Variants in ADGRL3 observed in about 807,000 individuals in gnomAD.
ADGRL3 encodes the protein calcium-independent alpha-latrotoxin receptor 3.
ADGRL3 carries 62 observed loss-of-function variants against 153.5 expected under a neutral mutation model. That is an observed-to-expected ratio of 0.40 (90% CI 0.33 to 0.50). The LOEUF (loss-of-function observed/expected upper bound fraction) is 0.50. ADGRL3 is among the 20% of genes least tolerant of loss of function. The probability of loss-of-function intolerance (pLI) is 0.47; values close to 1 mark genes in which losing one functional copy is unlikely to be tolerated. For missense variants in ADGRL3, 1,641 were observed against 1,859.4 expected (o/e 0.88, Z 2.16); for synonymous variants, 710 against 672.5 (o/e 1.06, Z -0.86).
chr4:61,947,714 T>C lies in ADGRL3; in HGVS notation c.2629-386T>C, dbSNP rs78689721. On this transcript the variant is annotated intron_variant, in intron 16 of 26. Transcript: ENST00000683033. ...GCAATTATGTCCACGTGAAGATATA[T>C]TTTTGCATATATACAAAGATTGAGG... Among the ~76,000 whole-genome samples the C allele has an allele frequency of 5.1e-3, 771 of 152,296 alleles. 4 individuals carry two copies. The highest frequency in any genetic ancestry group is 0.018 in the African/African-American group (738 of 41,556).
intron 5 of ADGRL3, among the ~76,000 whole-genome samples, chr4:61,607,403 C>T (rs575616480): frequency 6.6e-6 from 1 of 152,112 alleles, no homozygotes; most frequent in African/African-American, 2.4e-5. Flanking sequence ...TCAAGACCAG[C>T]CTGACCAATA....
chr4:61,404,315 G>A (rs1016011089), intron 2 of ADGRL3, among the ~76,000 whole-genome samples: 1 of 151,996 alleles, frequency 6.6e-6, no homozygotes, highest in Non-Finnish European at 1.5e-5. Context: ...TGGGTTCAGA[G>A]CAGACCTCCC....
chr4:61,948,162 A>G lies in ADGRL3; in HGVS notation c.2691A>G (p.Thr897=), dbSNP rs762154173. The change falls in exon 17 of 27, where the codon ACA becomes ACG. Residue 897 remains threonine (T), a synonymous_variant. Coordinates refer to ENST00000683033, the MANE Select transcript of ADGRL3 (RefSeq NM_001387552.1). The stretch of plus-strand genomic sequence containing the variant: ...GGAGCTACTCCAAGCGTACAATGAC[A>G]GGTTATTGGTCAACACAAGGCTGTC... ...SFWSYSKRTM[T]GYWSTQGCRL... 6.2e-7 allele frequency: 1 copy of G among 1,613,798 alleles called. No individual in the cohort carries two copies. Among genetic ancestry groups the G allele is most frequent in the Admixed American group, 1.7e-5 (1 of 59,958 alleles).
At position 62,010,222 on chromosome 4, in the gene ADGRL3, A is replaced by G. The variant is rs556621169; in HGVS notation, c.3395+11957A>G. 3.3e-5 allele frequency among the ~76,000 whole-genome samples: 5 copies of G among 152,144 alleles called. No homozygotes were observed. In the South Asian group the frequency reaches 1.0e-3, roughly 32 times the overall value. ...TGCAGGAGGGGAGAGGAGGCTGAAC[A>G]TTCTACCCTTTTAATGTTAGCTTGG... On this transcript the variant is annotated intron_variant, in intron 21 of 26. Transcript: ENST00000683033.
At chr4:61,936,076 G>A (rs1375977244) in intron 15 of ADGRL3, 31 bp downstream of exon 15, 4 of 1,605,792 alleles carry the variant, frequency 2.5e-6, no homozygotes, top group Non-Finnish European at 2.6e-6. Context: ...TAAGCTTGAG[G>A]GAATTGAACT....
chr4:61,462,977 G>A (rs2097841827), intron 2 of ADGRL3, among the ~76,000 whole-genome samples: 1 of 152,078 alleles, frequency 6.6e-6, no homozygotes, highest in South Asian at 2.1e-4. Context: ...GTCTCTGCTA[G>A]AAAAATAAAA....
rs142562884 is a variant in ADGRL3, at chr4:61,697,759, A to G, written c.583+20824A>G. On this transcript the variant is annotated intron_variant, in intron 6 of 26. Coordinates refer to ENST00000683033, the MANE Select transcript of ADGRL3 (RefSeq NM_001387552.1). ...TATAGGAGGTGTAAGTGGCAGAGGT[A>G]TTTTCAAGAAAACGATCACCTGGAT... Among the ~76,000 whole-genome samples, 319 of 152,224 alleles carry G rather than the reference A, an allele frequency of 2.1e-3. 5 individuals carry two copies. The highest frequency in any genetic ancestry group is 7.3e-3 in the African/African-American group (304 of 41,552).
chr4:61,744,262 G>A (rs1041022975), intron 8 of ADGRL3, among the ~76,000 whole-genome samples: 3 of 152,300 alleles, frequency 2.0e-5, no homozygotes, highest in African/African-American at 7.2e-5. Context: ...GCCTGCCTCT[G>A]TAGACTCCAC....
chr4:61,869,645 G>A (rs191038892), intron 9 of ADGRL3, among the ~76,000 whole-genome samples: 7 of 151,872 alleles, frequency 4.6e-5, no homozygotes, highest in East Asian at 2.0e-4. Flanking sequence ...GAGACTGGGC[G>A]TGGTGGCTCA....
chr4:61,582,308 G>C (rs2098929230), intron 4 of ADGRL3, among the ~76,000 whole-genome samples: 2 of 151,972 alleles, frequency 1.3e-5, no homozygotes, highest in Non-Finnish European at 1.5e-5. Context: ...AGCCGTGCAT[G>C]CTTTAGCTAT....
rs1444017478 is a variant in ADGRL3, at chr4:61,948,084, T to A, written c.2629-16T>A. ...TAAAGTAGTTGTTGATTTTATGGATTTTTTTTCCCCTGTAGCAGTCAGAGG... is the reference window on the plus strand; with the variant it reads ...TAAAGTAGTTGTTGATTTTATGGATATTTTTTCCCCTGTAGCAGTCAGAGG... On this transcript the variant is annotated splice_polypyrimidine_tract_variant and intron_variant, in intron 16 of 26. Coordinates refer to ENST00000683033, the MANE Select transcript of ADGRL3 (RefSeq NM_001387552.1). The A allele has an allele frequency of 1.3e-6, 2 of 1,592,628 alleles. No homozygotes were observed. Among genetic ancestry groups the A allele is most frequent in the South Asian group, 2.3e-5 (2 of 88,336 alleles).
chr4:61,448,855 AGGGAGG>A (rs1346104769), intron 2 of ADGRL3, among the ~76,000 whole-genome samples: 1 of 7,124 alleles, frequency 1.4e-4, no homozygotes, highest in African/African-American at 2.1e-4. Context: ...AAGGGAAGGA[AGGGAGG>A]GAAGGAAGGA....
chr4:62,033,145 A>C (rs1049822023), intron 23 of ADGRL3, among the ~76,000 whole-genome samples: 4 of 151,860 alleles, frequency 2.6e-5, no homozygotes, highest in African/African-American at 9.6e-5. Flanking sequence ...AGATTCAAAC[A>C]ACCTCAATCT....
At chr4:61,712,165 G>A (rs2096005835) in intron 6 of ADGRL3, among the ~76,000 whole-genome samples, 1 of 152,028 alleles carries the variant, frequency 6.6e-6, no homozygotes, top group Non-Finnish European at 1.5e-5. Context: ...AAGCTGCCAC[G>A]AGAGGATCAC....
At chr4:61,830,671 A>C (rs891218575) in intron 9 of ADGRL3, among the ~76,000 whole-genome samples, 1 of 152,156 alleles carries the variant, frequency 6.6e-6, no homozygotes, top group Non-Finnish European at 1.5e-5. Flanking sequence ...AAACTATTTG[A>C]CCAGCCAGAT....
intron 1 of ADGRL3, among the ~76,000 whole-genome samples, chr4:61,289,164 T>C (rs1332515485): frequency 6.6e-6 from 1 of 151,894 alleles, no homozygotes; most frequent in African/African-American, 2.4e-5. Context: ...TCCCACACTT[T>C]TCTTCTTTCA....
intron 5 of ADGRL3, among the ~76,000 whole-genome samples, chr4:61,590,898 C>T (rs1388806130): frequency 1.3e-5 from 2 of 152,134 alleles, no homozygotes; most frequent in Non-Finnish European, 2.9e-5. Context: ...ATCTTTTGCT[C>T]ATCCTTGGTT....
intron 25 of ADGRL3, among the ~76,000 whole-genome samples, chr4:62,055,525 A>T (rs1215163992): frequency 6.6e-6 from 1 of 151,848 alleles, no homozygotes; most frequent in African/African-American, 2.4e-5. Context: ...AAAAATGATG[A>T]AAGAGTTCTT....
chr4:61,526,940 C>T (rs1256477414), intron 4 of ADGRL3, among the ~76,000 whole-genome samples: 1 of 151,894 alleles, frequency 6.6e-6, no homozygotes, highest in East Asian at 1.9e-4. Context: ...TTAAAAAAGT[C>T]ATTTTAAAAT....
Sources: gnomAD v4.1 joint callset for allele counts (sites outside exome capture counted in the v4.1 genomes callset) on GRCh38, gnomAD v4.1.1 for gene constraint, MANE v1.5 for transcripts, NCBI Gene and HGNC (gene_info 2026-07-23, HGNC 2026-07-21) for gene names.